The following KCNN2 variants were observed in gnomAD, a reference collection of about 807,000 sequenced individuals.
KCNN2 encodes potassium calcium-activated channel subfamily N member 2, also known as small conductance calcium-activated potassium channel protein 2.
A neutral mutation model predicts 55.5 loss-of-function variants in KCNN2; 24 were observed. The observed-to-expected ratio is 0.43, with a 90% CI of 0.31 to 0.61. The LOEUF (loss-of-function observed/expected upper bound fraction) is 0.61. KCNN2 is among the 20% of genes least tolerant of loss of function. KCNN2 has a pLI of 0.08. For missense variants in KCNN2, 754 were observed against 853.6 expected, an observed-to-expected ratio of 0.88 and a Z score of 1.45; for synonymous variants, 431 against 336.1, an observed-to-expected ratio of 1.28 and a Z score of -3.09.
At chr5:114,417,232 T>C (rs986679239) in intron 3 of KCNN2, among the ~76,000 whole-genome samples, 2 of 152,212 alleles carry the variant, frequency 1.3e-5, no homozygotes, top group Admixed American at 6.5e-5. Flanking sequence ...TAGTCATTAG[T>C]TTTTATCTAA....
chr5:114,454,004 T>G (rs957801430), intron 3 of KCNN2, among the ~76,000 whole-genome samples: 1 of 152,110 alleles, frequency 6.6e-6, no homozygotes, highest in African/African-American at 2.4e-5. Context: ...CCCCGGTATG[T>G]GATGTTCCCT....
At chr5:114,163,181 A>T (rs1004358933) in intron 1 of KCNN2, among the ~76,000 whole-genome samples, 5 of 152,122 alleles carry the variant, frequency 3.3e-5, no homozygotes, top group African/African-American at 1.2e-4. Context: ...TTGTTTAGGA[A>T]TCTTTTGGGC....
intron 3 of KCNN2, among the ~76,000 whole-genome samples, chr5:114,434,642 G>C (rs755763124): frequency 3.9e-5 from 6 of 152,190 alleles, no homozygotes; most frequent in Non-Finnish European, 8.8e-5. Flanking sequence ...GGTTAGCTGT[G>C]AGAAGAAAGG....
chr5:114,484,964 C>T (rs1762383126), intron 5 of KCNN2, among the ~76,000 whole-genome samples: 1 of 152,200 alleles, frequency 6.6e-6, no homozygotes, highest in Non-Finnish European at 1.5e-5. Context: ...TACCCCCACT[C>T]CACTGAACTC....
At chr5:114,113,957 G>T (rs79151649) in intron 1 of KCNN2, among the ~76,000 whole-genome samples, 5 of 151,980 alleles carry the variant, frequency 3.3e-5, no homozygotes, top group Non-Finnish European at 1.5e-5. Context: ...ACCTATTTTG[G>T]GGTAGCATAT....
At chr5:114,169,577 G>A (rs1374427894) in intron 1 of KCNN2, among the ~76,000 whole-genome samples, 5 of 152,098 alleles carry the variant, frequency 3.3e-5, no homozygotes, top group Admixed American at 2.0e-4. Context: ...CAGACAGGAA[G>A]AATGCGACAG....
At chr5:114,282,438 G>T (rs966316026) in intron 2 of KCNN2, among the ~76,000 whole-genome samples, 1 of 152,038 alleles carries the variant, frequency 6.6e-6, no homozygotes, top group African/African-American at 2.4e-5. Flanking sequence ...TAGACATTAT[G>T]AATGTCTTTT....
At chr5:114,150,434 G>T (rs2112516711) in intron 1 of KCNN2, among the ~76,000 whole-genome samples, 1 of 152,248 alleles carries the variant, frequency 6.6e-6, no homozygotes, top group African/African-American at 2.4e-5. Context: ...GAAAAGTAGA[G>T]AAAGTAAAAA....
Position 114,168,224 on chromosome 5 carries a change from A to G in KCNN2, c.-270-53256A>G, listed in dbSNP as rs1387369712. On this transcript the variant is annotated intron_variant, in intron 1 of 10. Transcript: ENST00000512097. ...ACAACATCTAGGTAGTATGATAAAT[A>G]CACACACATATACAAGTCTGGTTAT... is the stretch of plus-strand genomic sequence containing the variant. 2.0e-5 allele frequency among the ~76,000 whole-genome samples: 3 copies of G among 152,008 alleles called. No homozygotes were observed. In the East Asian group the frequency reaches 5.8e-4, roughly 29 times the overall value.
chr5:114,227,873 A>G (rs919410722), intron 2 of KCNN2, among the ~76,000 whole-genome samples: 1 of 151,882 alleles, frequency 6.6e-6, no homozygotes, highest in African/African-American at 2.4e-5. Flanking sequence ...ATATGAGTGT[A>G]TATATATATA....
intron 1 of KCNN2, among the ~76,000 whole-genome samples, chr5:114,149,958 T>C (rs960694701): frequency 6.6e-6 from 1 of 152,124 alleles, no homozygotes; most frequent in African/African-American, 2.4e-5. Context: ...TGCGTCCGTT[T>C]ATAGGCTCTC....
At chr5:114,281,627 G>C (rs80072700) in intron 2 of KCNN2, among the ~76,000 whole-genome samples, 952 of 22,758 alleles carry the variant, frequency 0.042, 8 homozygotes, top group African/African-American at 0.15. Flanking sequence ...CTCCATCTCT[G>C]TGTGTGTGTG....
At chr5:114,485,752 C>T in intron 5 of KCNN2, among the ~76,000 whole-genome samples, 1 of 152,152 alleles carries the variant, frequency 6.6e-6, no homozygotes, top group Admixed American at 6.6e-5. Flanking sequence ...AGAAGCTTTA[C>T]TGTAAAAAGA....
intron 2 of KCNN2, among the ~76,000 whole-genome samples, chr5:114,238,329 C>CA (rs1271167635): frequency 1.3e-5 from 2 of 151,898 alleles, no homozygotes; most frequent in African/African-American, 4.8e-5. Context: ...GGATAAATTA[C>CA]AAAAATTGGA....
intron 2 of KCNN2, among the ~76,000 whole-genome samples, chr5:114,249,895 C>T (rs984344109): frequency 1.3e-5 from 2 of 152,030 alleles, no homozygotes; most frequent in South Asian, 2.1e-4. Context: ...TTTAGTACCC[C>T]ATGTTATGTT....
intron 1 of KCNN2, among the ~76,000 whole-genome samples, chr5:114,149,334 A>G (rs116513779): frequency 0.018 from 2,717 of 152,180 alleles, 74 homozygotes; most frequent in African/African-American, 0.061. Flanking sequence ...GGAACAAAGA[A>G]GGCCATATTG....
At chr5:114,111,593 G>A (rs1751598890) in intron 1 of KCNN2, among the ~76,000 whole-genome samples, 1 of 152,088 alleles carries the variant, frequency 6.6e-6, no homozygotes, top group African/African-American at 2.4e-5. Context: ...CTGACAAAGG[G>A]CTAATATCCA....
In KCNN2 at chr5:114,379,842, TTATA is replaced by T. The variant is rs894141800; in HGVS notation, c.1218+15845_1218+15848del. On this transcript the variant is annotated intron_variant, in intron 2 of 7. Coordinates refer to ENST00000673685, the MANE Select transcript of KCNN2 (RefSeq NM_021614.4). ...ATATTTATAGAATATATTATATAGC[TTATA>T]TATTATATAGCATATTAATATTTTA... Among the ~76,000 whole-genome samples, 3 of 145,516 alleles carry T rather than the reference TTATA, an allele frequency of 2.1e-5. No homozygotes were observed. The Admixed American group carries it at 2.1e-4, about 10-fold the overall frequency.
At chr5:114,327,529 A>G (rs1373389050) in intron 2 of KCNN2, among the ~76,000 whole-genome samples, 2 of 152,248 alleles carry the variant, frequency 1.3e-5, no homozygotes, top group Admixed American at 6.5e-5. Flanking sequence ...AATTTTAACT[A>G]TATCATAAGA....
Sources: gnomAD v4.1 joint callset for allele counts (sites outside exome capture counted in the v4.1 genomes callset) on GRCh38, gnomAD v4.1.1 for gene constraint, MANE v1.5 for transcripts, NCBI Gene and HGNC (gene_info 2026-07-23, HGNC 2026-07-21) for gene names.